Variants in OR5P3 observed in about 807,000 individuals in gnomAD.
OR5P3 encodes the protein olfactory receptor family 5 subfamily P member 3.
For missense variants in OR5P3, 415 were observed against 375.6 expected, an observed-to-expected ratio of 1.10 and a Z score of -0.87; for synonymous variants, 172 against 141.8, an observed-to-expected ratio of 1.21 and a Z score of -1.51.
intron 1 of OR5P3, among the ~76,000 whole-genome samples, chr11:7,830,595 GA>G (rs1222186535): frequency 6.6e-6 from 1 of 152,096 alleles, no homozygotes; most frequent in Non-Finnish European, 1.5e-5. Flanking sequence ...TGGAATCTTG[GA>G]AATTTTACAT....
intron 1 of OR5P3, among the ~76,000 whole-genome samples, chr11:7,829,690 G>C (rs980292321): frequency 6.6e-5 from 10 of 152,190 alleles, no homozygotes; most frequent in African/African-American, 2.2e-4. Flanking sequence ...CTTTCACTCT[G>C]GAGTCTGCAA....
Position 7,825,697 on chromosome 11 carries a change from G to A in OR5P3, c.276C>T (p.Leu92=), listed in dbSNP as rs1040137337. 2.5e-6 allele frequency: 4 copies of A among 1,613,194 alleles called. No homozygotes were observed. In the African/African-American group the frequency reaches 5.4e-5, roughly 22 times the overall value. The part of the protein sequence containing the change: ...LMSFLRKETS[L]PVAGCVAQLC... ...GCTGGGCCACACAACCAGCAACAGGGAGAGAGGTTTCTTTCCTTAGGAAGC... is the reference window on the plus strand; with the variant it reads ...GCTGGGCCACACAACCAGCAACAGGAAGAGAGGTTTCTTTCCTTAGGAAGC... Residue 92 remains leucine (L), a synonymous_variant, in exon 2 of 2, where the codon CTC becomes CTT. Transcript: ENST00000641167.
rs1482793 is a variant in OR5P3, at chr11:7,825,925, C to T, written c.48G>A (p.Gly16=). The change falls in exon 2 of 2, where the codon GGG becomes GGA. Residue 16 remains glycine, a synonymous_variant. Coordinates refer to ENST00000641167, the MANE Select transcript of OR5P3 (RefSeq NM_153445.2). The stretch of plus-strand genomic sequence containing the variant: ...CACAAACTGTAGTATCCTCAGATAA[C>T]CCCAAAAGAGTAAACTCTACCACAG... The part of the protein sequence containing the change: ...DTTVVEFTLL[G]LSEDTTVCAI... The T allele has an allele frequency of 0.61, 978,705 of 1,594,228 alleles. 310,081 individuals are homozygous for T. The highest frequency in any genetic ancestry group is 0.64 in the Non-Finnish European group (752,004 of 1,167,858).
chr11:7,825,911 G>A lies in OR5P3; in HGVS notation c.62C>T (p.Thr21Ile), dbSNP rs61742097. The change falls in exon 2 of 2, where the codon ACT becomes ATT. Residue 21 changes from threonine to isoleucine, a missense_variant. Transcript: ENST00000641167. ...EFTLLGLSED[T>I]TVCAILFLVF... ...AAGAAATAAAATAGCACAAACTGTA[G>A]TATCCTCAGATAACCCCAAAAGAGT... 1.8e-3 allele frequency: 2,827 copies of A among 1,605,314 alleles called. 138 individuals are homozygous for A. In the African/African-American group the frequency reaches 0.026, roughly 15 times the overall value.
At position 7,825,557 on chromosome 11, in the gene OR5P3, C is replaced by T; in HGVS notation, c.416G>A (p.Gly139Glu). ...CATGCCCACTAAGATGATGCAGACTCCAGGGGACATGCAGGTAGAGTAGAG... is the reference window on the plus strand; with the variant it reads ...CATGCCCACTAAGATGATGCAGACTTCAGGGGACATGCAGGTAGAGTAGAG... ...PLLYSTCMSPGVCIILVGMSY... is the reference protein window; with the variant it reads ...PLLYSTCMSPEVCIILVGMSY... The change falls in exon 2 of 2, where the codon GGA becomes GAA. Residue 139 changes from glycine (G) to glutamate (E), a missense_variant. By Grantham distance (98) the Gly-to-Glu change is moderately conservative. Transcript: ENST00000641167. The T allele has an allele frequency of 6.2e-7, 1 of 1,613,166 alleles. No individual in the cohort carries two copies. The highest frequency in any genetic ancestry group is 8.5e-7 in the Non-Finnish European group (1 of 1,180,022).
In OR5P3 at chr11:7,825,272, CG is replaced by C; in HGVS notation, c.700del (p.Arg234AlafsTer27). ...GGTGCAGGTGGAGAAGGCCTTGTGG[CG>C]GCCCTTGGTGGAGTGCATCTTCAGG... The part of the protein sequence containing the change: ...TILKMHSTKG[R>X]HKAFSTCTSH... On this transcript the variant is annotated frameshift_variant, in exon 2 of 2. Coordinates refer to ENST00000641167, the MANE Select transcript of OR5P3 (RefSeq NM_153445.2). LOFTEE classifies it high-confidence loss of function. 6.2e-7 allele frequency: 1 copy of C among 1,612,978 alleles called. No homozygotes were observed. The highest frequency in any genetic ancestry group is 1.1e-5 in the South Asian group (1 of 91,082).
At position 7,826,013 on chromosome 11, in the gene OR5P3, A is replaced by C; in HGVS notation, c.-21-20T>G. 1 of 1,077,210 alleles carries C rather than the reference A, an allele frequency of 9.3e-7. No homozygotes were observed. The highest frequency in any genetic ancestry group is 1.5e-5 in the South Asian group (1 of 65,720). The allele number at this position is 1,077,210 out of a possible 1,614,324, so 66.7% of individuals were successfully genotyped here. On this transcript the variant is annotated intron_variant, in intron 1 of 1. Transcript: ENST00000641167. ...TGCCAACTGAAAGAAAAACAAATGA[A>C]TATTATAATGGGATTAAATGCTATA...
chr11:7,828,450 T>C (rs1299798157), intron 1 of OR5P3, among the ~76,000 whole-genome samples: 1 of 152,098 alleles, frequency 6.6e-6, no homozygotes, highest in Non-Finnish European at 1.5e-5. Flanking sequence ...ATACACACAA[T>C]TGTCTAACAT....
intron 1 of OR5P3, among the ~76,000 whole-genome samples, chr11:7,828,035 A>C (rs1047204498): frequency 6.6e-6 from 1 of 152,064 alleles, no homozygotes; most frequent in African/African-American, 2.4e-5. Context: ...ATGACATAAA[A>C]CTCAACTATG....
At chr11:7,828,278 A>T (rs1235987613) in intron 1 of OR5P3, among the ~76,000 whole-genome samples, 1 of 152,184 alleles carries the variant, frequency 6.6e-6, no homozygotes, top group African/African-American at 2.4e-5. Flanking sequence ...AATTTTGTTG[A>T]TAACTGTGAC....
intron 1 of OR5P3, among the ~76,000 whole-genome samples, chr11:7,830,585 T>C (rs1185904388): frequency 2.0e-5 from 3 of 152,200 alleles, no homozygotes; most frequent in Admixed American, 6.5e-5. Flanking sequence ...CAGCAATCTA[T>C]GGAATCTTGG....
intron 1 of OR5P3, among the ~76,000 whole-genome samples, chr11:7,828,418 G>A (rs898106645): frequency 6.6e-6 from 1 of 152,056 alleles, no homozygotes; most frequent in African/African-American, 2.4e-5. Context: ...ATGGCATTCT[G>A]AGAGAGAGAG....
At chr11:7,828,207 G>A (rs2133495328) in intron 1 of OR5P3, among the ~76,000 whole-genome samples, 1 of 152,252 alleles carries the variant, frequency 6.6e-6, no homozygotes, top group Middle Eastern at 3.4e-3. Flanking sequence ...ACAGCCAAGT[G>A]TCTGTTGAAA....
rs1182296772 is a variant in OR5P3 at position 7,825,301 on chromosome 11, G to A, written c.672C>T (p.Thr224=). ...IAISYIYILI[T]ILKMHSTKGR... Reference sequence around the variant, plus strand: ...CCTTGGTGGAGTGCATCTTCAGGATGGTGATGAGGATATAGATGTAGGATA... The same window carrying A: ...CCTTGGTGGAGTGCATCTTCAGGATAGTGATGAGGATATAGATGTAGGATA... Residue 224 remains threonine (T), a synonymous_variant, in exon 2 of 2, where the codon ACC becomes ACT. Coordinates refer to ENST00000641167, the MANE Select transcript of OR5P3 (RefSeq NM_153445.2). 1 of 1,613,080 alleles carries A rather than the reference G, an allele frequency of 6.2e-7. No individual in the cohort carries two copies. Among genetic ancestry groups the A allele is most frequent in the Non-Finnish European group, 8.5e-7 (1 of 1,180,040 alleles).
chr11:7,828,864 T>C (rs1031435527), intron 1 of OR5P3, among the ~76,000 whole-genome samples: 1 of 152,168 alleles, frequency 6.6e-6, no homozygotes, highest in African/African-American at 2.4e-5. Context: ...ACCTATGCTG[T>C]TATTTCATAT....
intron 1 of OR5P3, among the ~76,000 whole-genome samples, chr11:7,828,341 GA>G: frequency 6.6e-6 from 1 of 152,268 alleles, no homozygotes; most frequent in East Asian, 1.9e-4. Flanking sequence ...ATGGATATGG[GA>G]CCTCTTGATT....
chr11:7,826,006 C>T lies in OR5P3; in HGVS notation c.-21-13G>A. On this transcript the variant is annotated splice_polypyrimidine_tract_variant and intron_variant, in intron 1 of 1. Transcript: ENST00000641167. ...GGAATGGTGCCAACTGAAAGAAAAACAAATGAATATTATAATGGGATTAAA... is the reference window on the plus strand; with the variant it reads ...GGAATGGTGCCAACTGAAAGAAAAATAAATGAATATTATAATGGGATTAAA... 1 of 1,123,816 alleles carries T rather than the reference C, an allele frequency of 8.9e-7. No individual in the cohort carries two copies. Among genetic ancestry groups the T allele is most frequent in the South Asian group, 1.5e-5 (1 of 67,322 alleles). 69.6% of individuals were successfully genotyped at this position (1,123,816 alleles called of 1,614,324 possible).
chr11:7,829,643 C>T (rs1157034898), intron 1 of OR5P3, among the ~76,000 whole-genome samples: 2 of 152,302 alleles, frequency 1.3e-5, no homozygotes, highest in East Asian at 1.9e-4. Flanking sequence ...TCTACACATC[C>T]ATATGAAGAT....
At chr11:7,828,743 T>C (rs986173636) in intron 1 of OR5P3, among the ~76,000 whole-genome samples, 1 of 152,212 alleles carries the variant, frequency 6.6e-6, no homozygotes, top group African/African-American at 2.4e-5. Flanking sequence ...TTTCTGAGAT[T>C]ACTGCAGTGG....
Sources: allele counts gnomAD v4.1 joint callset (sites outside exome capture counted in the v4.1 genomes callset), GRCh38; gene constraint gnomAD v4.1.1; transcripts MANE v1.5; gene names NCBI Gene and HGNC (gene_info 2026-07-23, HGNC 2026-07-21).